The following RASA3 variants were observed in gnomAD, a reference collection of about 807,000 sequenced individuals.
RASA3 encodes ras GTPase-activating protein 3.
Under a neutral mutation model 110.0 loss-of-function variants are expected in RASA3, and 73 were observed. That is an observed-to-expected ratio of 0.66 (90% confidence interval 0.55 to 0.81). The LOEUF (loss-of-function observed/expected upper bound fraction) is 0.81, where lower values mean the gene tolerates loss of function less well. Ranked by LOEUF, RASA3 falls within the 30% of genes least tolerant of loss-of-function variation. The probability of loss-of-function intolerance (pLI) is 0.00; values close to 1 mark genes in which losing one functional copy is unlikely to be tolerated. For missense variants in RASA3, 976 were observed against 1,113.2 expected (o/e 0.88, Z 1.75); for synonymous variants, 500 against 451.4 (o/e 1.11, Z -1.37).
Position 114,015,740 on chromosome 13 carries a change from C to T in RASA3, c.1282-408G>A, listed in dbSNP as rs148821407. Reference sequence around the variant, plus strand: ...ATCAGGGAGTTTTGCTGTTTTAAAACGCAGTACACAGCTCTGGGGACAGCC... The same window carrying T: ...ATCAGGGAGTTTTGCTGTTTTAAAATGCAGTACACAGCTCTGGGGACAGCC... On this transcript the variant is annotated intron_variant, in intron 13 of 23. Coordinates refer to ENST00000334062, the MANE Select transcript of RASA3 (RefSeq NM_007368.4). Among the ~76,000 whole-genome samples, 696 of 152,310 alleles carry T rather than the reference C, an allele frequency of 4.6e-3. 4 individuals carry two copies. The highest frequency in any genetic ancestry group is 0.016 in the African/African-American group (649 of 41,566).
rs369104573 is a variant in RASA3 at position 114,005,781 on chromosome 13, C to T, written c.1742+1752G>A. On this transcript the variant is annotated intron_variant, in intron 18 of 23. Coordinates refer to ENST00000334062, the MANE Select transcript of RASA3 (RefSeq NM_007368.4). ...CGGATGCCACCTTACCCTTCTCCCC[C>T]CTCCTGCCCTGCCGGACACCACCTT... Among the ~76,000 whole-genome samples, 8 of 98,406 alleles carry T rather than the reference C, an allele frequency of 8.1e-5. 1 individual carries two copies. In the South Asian group the frequency reaches 2.7e-3, roughly 33 times the overall value. The allele number at this position is 98,406 out of a possible 152,430, so 64.6% of individuals were successfully genotyped here.
chr13:114,010,659 A>C (rs1321169148), intron 16 of RASA3, among the ~76,000 whole-genome samples: 2 of 42,996 alleles, frequency 4.7e-5, no homozygotes, highest in Non-Finnish European at 8.2e-5. Context: ...CGTGGGGAGG[A>C]GGCGGCTGCG....
Position 113,996,566 on chromosome 13 carries a change from TG to T in RASA3, c.2105del (p.Pro702HisfsTer40). The T allele has an allele frequency of 1.2e-6, 2 of 1,613,180 alleles. No homozygotes were observed. The highest frequency in any genetic ancestry group is 1.7e-6 in the Non-Finnish European group (2 of 1,180,012). On this transcript the variant is annotated frameshift_variant, in exon 21 of 24. Transcript: ENST00000334062. LOFTEE classifies it high-confidence loss of function. Reference protein sequence around the residue: ...LSGHWLCCRAPSDSAPGCSPC... With the variant: ...LSGHWLCCRAXSDSAPGCSPC... ...GCGAGCAGCCCGGAGCCGAGTCGGA[TG>T]GCGCCCTACAGCACAGCCAGTGGCC...
At chr13:114,018,318 CTT>C in intron 10 of RASA3, 66 bp from the exon 11 acceptor site, 1 of 1,491,418 alleles carries the variant, frequency 6.7e-7, no homozygotes, top group Non-Finnish European at 9.0e-7. Context: ...CTGTCCCCAC[CTT>C]GGCTGGGGTC....
intron 5 of RASA3, among the ~76,000 whole-genome samples, chr13:114,028,404 T>C (rs61408662): frequency 6.0e-3 from 100 of 16,636 alleles, no homozygotes; most frequent in Middle Eastern, 0.056. Context: ...ATCTGGGAGC[T>C]AAGACCTCTA....
intron 1 of RASA3, among the ~76,000 whole-genome samples, chr13:114,083,199 G>A (rs1313616239): frequency 1.3e-5 from 2 of 152,258 alleles, no homozygotes. Context: ...TTAAATGCCA[G>A]AAAAACATTG....
At position 114,018,241 on chromosome 13, in the gene RASA3, C is replaced by T. The variant is rs568358311; in HGVS notation, c.954G>A (p.Ala318=). ...LKSADVEPVS[A]SAAHILGEVC... The stretch of plus-strand genomic sequence containing the variant: ...CCTCGCCCAGGATGTGGGCCGCAGA[C>T]GCTGACACGGGCTGCGGGGAGGGGT... Residue 318 remains alanine, a synonymous_variant, in exon 11 of 24, where the codon GCG becomes GCA. Coordinates refer to ENST00000334062, the MANE Select transcript of RASA3 (RefSeq NM_007368.4). 1.5e-4 allele frequency: 233 copies of T among 1,552,716 alleles called. No individual in the cohort carries two copies. The highest frequency in any genetic ancestry group is 3.0e-4 in the African/African-American group (22 of 73,258).
chr13:114,124,910 T>C (rs944443017), intron 1 of RASA3, among the ~76,000 whole-genome samples: 8 of 152,070 alleles, frequency 5.3e-5, no homozygotes, highest in African/African-American at 1.4e-4. Flanking sequence ...TAGTTGCACA[T>C]TGATGCATAA....
chr13:114,087,611 C>G (rs1395447788), intron 1 of RASA3, among the ~76,000 whole-genome samples: 1 of 152,228 alleles, frequency 6.6e-6, no homozygotes, highest in African/African-American at 2.4e-5. Context: ...CCGGGCAGTG[C>G]CAGCAGGAAC....
intron 1 of RASA3, among the ~76,000 whole-genome samples, chr13:114,101,486 G>C (rs2080059670): frequency 1.3e-5 from 2 of 152,202 alleles, no homozygotes; most frequent in Admixed American, 1.3e-4. Context: ...CAGTGTCTAA[G>C]CACCACCCCA....
chr13:114,040,912 G>T, intron 4 of RASA3, 88 bp downstream of exon 4: 1 of 1,259,840 alleles, frequency 7.9e-7, no homozygotes, highest in Non-Finnish European at 1.1e-6. Context: ...CCCGATCTAC[G>T]TCTTTAGCCA....
intron 4 of RASA3, among the ~76,000 whole-genome samples, chr13:114,030,544 A>ACACAGACAGCAAGG (rs2054142001): frequency 9.7e-6 from 1 of 103,074 alleles, no homozygotes; most frequent in African/African-American, 3.6e-5. Context: ...AGAGGGCAAG[A>ACACAGACAGCAAGG]CTCACACAGA....
rs115701990 is a variant in RASA3 at position 114,109,861 on chromosome 13, C to T, written c.55+22574G>A. Reference sequence around the variant, plus strand: ...GGGGTGGCCTCGCGGCGGCACGAGACTCAGCATCGTGTGGGTCTAGCTCTG... The same window carrying T: ...GGGGTGGCCTCGCGGCGGCACGAGATTCAGCATCGTGTGGGTCTAGCTCTG... On this transcript the variant is annotated intron_variant, in intron 1 of 23. Coordinates refer to ENST00000334062, the MANE Select transcript of RASA3 (RefSeq NM_007368.4). Among the ~76,000 whole-genome samples, 1,222 of 152,358 alleles carry T rather than the reference C, an allele frequency of 8.0e-3. 21 individuals are homozygous for T. The highest frequency in any genetic ancestry group is 0.028 in the African/African-American group (1,177 of 41,588).
chr13:114,018,798 G>A lies in RASA3; in HGVS notation c.907C>T (p.Leu303=), dbSNP rs191264280. The A allele has an allele frequency of 9.4e-4, 1,521 of 1,613,622 alleles. 28 individuals carry two copies. In the Admixed American group the frequency reaches 0.021, roughly 22 times the overall value. The change falls in exon 10 of 24, where the codon CTG becomes TTG. Residue 303 remains leucine, a synonymous_variant. Transcript: ENST00000334062. Reference sequence around the variant, plus strand: ...GCAGACTTCAACAGCAGGTCCCGCAGAGGGCTGTAATAGTCAGAAGAAAAC... The same window carrying A: ...GCAGACTTCAACAGCAGGTCCCGCAAAGGGCTGTAATAGTCAGAAGAAAAC... ...HVFSSDYYSP[L]RDLLLKSADV...
intron 2 of RASA3, 60 bp from the exon 3 acceptor site, chr13:114,052,215 G>C (rs1389458218): frequency 2.3e-5 from 26 of 1,136,122 alleles, no homozygotes; most frequent in Admixed American, 3.6e-5. Flanking sequence ...CTCACCCCCG[G>C]GGCACACACG....
chr13:114,020,127 T>C (rs7324969), intron 9 of RASA3, among the ~76,000 whole-genome samples: 35 of 37,738 alleles, frequency 9.3e-4, no homozygotes, highest in African/African-American at 5.1e-3. Context: ...GTGGAGCCTG[T>C]GTCCGAGGCA....
intron 20 of RASA3, among the ~76,000 whole-genome samples, chr13:113,998,585 C>T (rs1230329419): frequency 1.3e-5 from 2 of 152,204 alleles, no homozygotes; most frequent in Non-Finnish European, 2.9e-5. Context: ...GCTGAAGGGG[C>T]ACTGAGTCAC....
intron 1 of RASA3, among the ~76,000 whole-genome samples, chr13:114,117,738 A>AGGGGT (rs2080310466): frequency 2.3e-5 from 2 of 86,786 alleles, no homozygotes; most frequent in Admixed American, 1.2e-4. Flanking sequence ...GTGTGAGGAG[A>AGGGGT]GCACGTGTGT....
intron 4 of RASA3, among the ~76,000 whole-genome samples, chr13:114,037,918 G>A (rs1206306463): frequency 2.0e-5 from 3 of 151,158 alleles, no homozygotes; most frequent in Non-Finnish European, 4.4e-5. Context: ...CCGTTCGGGG[G>A]AGCCGGGAGA....
Sources: allele counts gnomAD v4.1 joint callset (sites outside exome capture counted in the v4.1 genomes callset), GRCh38; gene constraint gnomAD v4.1.1; transcripts MANE v1.5; gene names NCBI Gene and HGNC (gene_info 2026-07-23, HGNC 2026-07-21).